TEX10: variants seen among roughly 807,000 people sequenced by gnomAD.
TEX10 encodes the protein testis-expressed protein 10.
In TEX10, 24 loss-of-function variants were observed where a neutral mutation model predicts 104.4. The ratio of observed to expected loss-of-function variants is 0.23; its 90% CI spans 0.17 to 0.32. The LOEUF is 0.32. Among genes scored for constraint, TEX10 ranks in the 10% least tolerant of loss-of-function variants. The probability of loss-of-function intolerance (pLI) is 1.00; values close to 1 mark genes in which losing one functional copy is unlikely to be tolerated. For synonymous variants in TEX10, 396 were observed against 393.4 expected (o/e 1.01, Z -0.08); for missense variants, 921 against 1,083.9 (o/e 0.85, Z 2.11).
rs1442805413 is a variant in TEX10 at position 100,329,046 on chromosome 9, TC to T, written c.1625+93del. 1.7e-5 allele frequency: 22 copies of T among 1,314,546 alleles called. No homozygotes were observed. The Middle Eastern group carries it at 8.3e-4, about 50-fold the overall frequency. The allele number at this position is 1,314,546 out of a possible 1,614,324, so 81.4% of individuals were successfully genotyped here. The stretch of plus-strand genomic sequence containing the variant: ...AGTAGGATTAAAAAGAATGAACTTC[TC>T]CAAAGATTTAATCTCTCTAAAATTA... On this transcript the variant is annotated intron_variant, in intron 7 of 14. Coordinates refer to ENST00000374902, the MANE Select transcript of TEX10 (RefSeq NM_017746.4).
At chr9:100,320,658 A>G (rs1834545384) in intron 10 of TEX10, among the ~76,000 whole-genome samples, 1 of 152,234 alleles carries the variant, frequency 6.6e-6, no homozygotes, top group Non-Finnish European at 1.5e-5. Flanking sequence ...CACTTCTACT[A>G]GGGTTTTGAC....
At chr9:100,309,514 A>AG (rs1290988066) in intron 12 of TEX10, among the ~76,000 whole-genome samples, 2 of 152,134 alleles carry the variant, frequency 1.3e-5, no homozygotes, top group Non-Finnish European at 2.9e-5. Flanking sequence ...TCTGGAGTGG[A>AG]GGTAGGGAAA....
At chr9:100,327,208 A>G (rs1834728415) in intron 8 of TEX10, among the ~76,000 whole-genome samples, 2 of 152,232 alleles carry the variant, frequency 1.3e-5, no homozygotes, top group East Asian at 1.9e-4. Flanking sequence ...AATCAGTACA[A>G]GTTTCTTTCT....
chr9:100,315,428 CTGGTGTTGGGTGCATATATACTTAG>C (rs1051011612), intron 11 of TEX10, among the ~76,000 whole-genome samples: 4 of 151,984 alleles, frequency 2.6e-5, no homozygotes, highest in East Asian at 1.9e-4. Context: ...TCTGGATGCT[CTGGTGTTGGGTGCATATATACTTAG>C]TGGTGTTGGG....
Position 100,349,199 on chromosome 9 carries a change from T to C in TEX10, c.165A>G (p.Arg55=). 11 of 1,547,110 alleles carry C rather than the reference T, an allele frequency of 7.1e-6. No homozygotes were observed. Among genetic ancestry groups the C allele is most frequent in the Non-Finnish European group, 9.5e-6 (11 of 1,155,924 alleles). The change falls in exon 2 of 15, where the codon AGA becomes AGG. Residue 55 remains arginine (R), a synonymous_variant. Coordinates refer to ENST00000374902, the MANE Select transcript of TEX10 (RefSeq NM_017746.4). ...KEDGTLPTNN[R]KLNIKDLLSQ... The stretch of plus-strand genomic sequence containing the variant: ...TATGATTTACCTTTATGTTAAGTTT[T>C]CTATTGTTTGTTGGAAGTGTTCCAT...
At chr9:100,351,614 C>T (rs1835452333) in intron 1 of TEX10, among the ~76,000 whole-genome samples, 2 of 152,202 alleles carry the variant, frequency 1.3e-5, no homozygotes, top group African/African-American at 4.8e-5. Flanking sequence ...CCTGTGGGTT[C>T]TATTTAGCCA....
At chr9:100,323,341 C>T (rs977530440) in intron 9 of TEX10, among the ~76,000 whole-genome samples, 3 of 152,162 alleles carry the variant, frequency 2.0e-5, no homozygotes, top group African/African-American at 7.2e-5. Flanking sequence ...GGAACTGTTC[C>T]TGGCAGACCA....
intron 13 of TEX10, chr9:100,304,655 TC>T (rs2118820278): frequency 6.6e-6 from 1 of 151,986 alleles, no homozygotes; most frequent in Non-Finnish European, 1.5e-5. Flanking sequence ...AGTCAAGAAA[TC>T]AAGACCATCC....
chr9:100,346,750 G>A lies in TEX10; in HGVS notation c.837C>T (p.Ile279=). The A allele has an allele frequency of 6.2e-7, 1 of 1,614,158 alleles. No homozygotes were observed. The highest frequency in any genetic ancestry group is 8.5e-7 in the Non-Finnish European group (1 of 1,180,010). Residue 279 remains isoleucine (I), a synonymous_variant, in exon 3 of 15, where the codon ATC becomes ATT. Transcript: ENST00000374902. ...GTGAACCCCCATTTTCATAAACCTG[G>A]ATGTGTTGCTGGTCGTTGGCATGTT... ...WKEHANDQQH[I]QVYENGGSQP...
chr9:100,349,222 C>A lies in TEX10; in HGVS notation c.142G>T (p.Gly48Ter). The A allele has an allele frequency of 6.4e-7, 1 of 1,568,218 alleles. No individual in the cohort carries two copies. Among genetic ancestry groups the A allele is most frequent in the Admixed American group, 2.0e-5 (1 of 50,196 alleles). ...IHLPEQLKEDGTLPTNNRKLN... is the reference protein window; with the variant it reads ...IHLPEQLKED ...TTTCTATTGTTTGTTGGAAGTGTTC[C>A]ATCCTCTTTGAGTTGCTCAGGCAGA... The change falls in exon 2 of 15, where the codon GGA becomes TGA. Residue 48 changes from glycine (G) to a stop codon, truncating the protein, a stop_gained. Coordinates refer to ENST00000374902, the MANE Select transcript of TEX10 (RefSeq NM_017746.4). LOFTEE classifies it high-confidence loss of function.
chr9:100,344,552 A>T (rs1263193847), intron 4 of TEX10, among the ~76,000 whole-genome samples: 3 of 152,348 alleles, frequency 2.0e-5, no homozygotes, highest in African/African-American at 7.2e-5. Context: ...CTCTCTAAAA[A>T]TGAAAAAACT....
intron 4 of TEX10, among the ~76,000 whole-genome samples, chr9:100,342,005 A>G (rs889463051): frequency 1.3e-5 from 2 of 152,220 alleles, no homozygotes; most frequent in Non-Finnish European, 2.9e-5. Flanking sequence ...AGAGTCCCAC[A>G]TGATCTGGCC....
intron 11 of TEX10, among the ~76,000 whole-genome samples, chr9:100,316,894 T>TAAAAAAAAAA (rs35651841): frequency 2.1e-4 from 11 of 53,374 alleles, no homozygotes; most frequent in Admixed American, 4.6e-4. Flanking sequence ...TTATAATAGC[T>TAAAAAAAAAA]AAAAAAAAAA....
chr9:100,323,217 A>AT (rs1834616269), intron 9 of TEX10, among the ~76,000 whole-genome samples: 2 of 152,242 alleles, frequency 1.3e-5, no homozygotes, highest in Admixed American at 6.5e-5. Context: ...GACAAGCAAT[A>AT]TATCATACTG....
intron 11 of TEX10, among the ~76,000 whole-genome samples, chr9:100,314,213 G>A (rs1306008866): frequency 2.0e-5 from 3 of 151,248 alleles, no homozygotes; most frequent in African/African-American, 4.9e-5. Flanking sequence ...TCAGCCTCCC[G>A]GGTAGCAGGG....
At chr9:100,314,406 A>G (rs1226115477) in intron 11 of TEX10, among the ~76,000 whole-genome samples, 3 of 152,012 alleles carry the variant, frequency 2.0e-5, no homozygotes, top group African/African-American at 7.2e-5. Flanking sequence ...TTTATTACCA[A>G]TTTAACCATA....
chr9:100,302,556 G>C (rs1047911720), intron 14 of TEX10, among the ~76,000 whole-genome samples: 1 of 152,140 alleles, frequency 6.6e-6, no homozygotes, highest in African/African-American at 2.4e-5. Context: ...ACATGCTAGA[G>C]ACTAATGAAA....
chr9:100,338,087 T>C (rs780237754), intron 5 of TEX10, among the ~76,000 whole-genome samples: 14 of 152,172 alleles, frequency 9.2e-5, no homozygotes, highest in Non-Finnish European at 1.8e-4. Flanking sequence ...CATTTTTTCC[T>C]TTGTAGATGG....
At chr9:100,340,205 T>C (rs1320705728) in intron 5 of TEX10, 52 bp downstream of exon 5, 1 of 1,121,664 alleles carries the variant, frequency 8.9e-7, no homozygotes, top group Non-Finnish European at 1.2e-6. Context: ...TTCCTGATAA[T>C]TTCAGGTTAA....
Sources: allele counts gnomAD v4.1 joint callset (sites outside exome capture counted in the v4.1 genomes callset), GRCh38; gene constraint gnomAD v4.1.1; transcripts MANE v1.5; gene names NCBI Gene and HGNC (gene_info 2026-07-23, HGNC 2026-07-21).